Variants in CCDC196 observed in about 807,000 individuals in gnomAD.
CCDC196 encodes the protein coiled-coil domain-containing protein 196.
At chr14:66,488,079 A>G (rs1258181725) in intron 2 of CCDC196, 81 bp from the exon 3 acceptor site, 1 of 409,182 alleles carries the variant, frequency 2.4e-6, no homozygotes, top group Non-Finnish European at 4.5e-6. Flanking sequence ...TTCATGGTAG[A>G]GTACTTTCTG....
intron 5 of CCDC196, 23 bp downstream of exon 5, chr14:66,490,842 A>C: frequency 2.5e-6 from 1 of 401,336 alleles, no homozygotes; most frequent in Non-Finnish European, 4.4e-6. Flanking sequence ...CATGTACTTA[A>C]AATTTCAAGA....
At chr14:66,487,036 T>G (rs148162775) in intron 2 of CCDC196, among the ~76,000 whole-genome samples, 1 of 152,280 alleles carries the variant, frequency 6.6e-6, no homozygotes, top group East Asian at 1.9e-4. Flanking sequence ...GTGGGGCTAG[T>G]TATAACTCTT....
intron 2 of CCDC196, among the ~76,000 whole-genome samples, 166 bp downstream of exon 2, chr14:66,486,975 C>A (rs2057416632): frequency 6.6e-6 from 1 of 151,994 alleles, no homozygotes. Flanking sequence ...AGGGTGACAA[C>A]AAATCCTTTA....
At chr14:66,491,340 T>C (rs1342987587) in intron 6 of CCDC196, among the ~76,000 whole-genome samples, 2 of 152,190 alleles carry the variant, frequency 1.3e-5, no homozygotes, top group African/African-American at 4.8e-5. Flanking sequence ...AACAGCTAAA[T>C]GATGTCAGAA....
At chr14:66,495,021 G>A (rs552987826) in intron 8 of CCDC196, among the ~76,000 whole-genome samples, 3 of 144,528 alleles carry the variant, frequency 2.1e-5, no homozygotes, top group Admixed American at 7.0e-5. Flanking sequence ...GCGAGACTTC[G>A]TATCAAAAAA....
At chr14:66,494,867 AT>A (rs1337949709) in intron 8 of CCDC196, 1 of 152,052 alleles carries the variant, frequency 6.6e-6, no homozygotes, top group Non-Finnish European at 1.5e-5. Flanking sequence ...CTACAACAAA[AT>A]ACAGAAAATT....
chr14:66,497,487 A>G (rs970112488), intron 8 of CCDC196, among the ~76,000 whole-genome samples: 1 of 152,186 alleles, frequency 6.6e-6, no homozygotes, highest in Admixed American at 6.6e-5. Context: ...ATACCCTATT[A>G]AATTTGAATT....
At chr14:66,491,714 G>T in intron 7 of CCDC196, 29 bp downstream of exon 7, 1 of 413,598 alleles carries the variant, frequency 2.4e-6, no homozygotes, top group South Asian at 1.3e-4. Context: ...GCTGGATATA[G>T]GATGCAATTT....
intron 7 of CCDC196, 120 bp from the exon 8 acceptor site, chr14:66,491,933 C>G (rs2057547969): frequency 2.5e-6 from 1 of 406,406 alleles, no homozygotes; most frequent in African/African-American, 2.1e-5. Flanking sequence ...TTCTACCCAA[C>G]TTTTAAAGAC....
chr14:66,491,969 CT>C (rs1260351209), intron 7 of CCDC196, 83 bp from the exon 8 acceptor site: 16 of 409,576 alleles, frequency 3.9e-5, no homozygotes, highest in African/African-American at 3.1e-4. Flanking sequence ...TACTTTTTAA[CT>C]TCTGGGTAAA....
intron 6 of CCDC196, 108 bp downstream of exon 6, chr14:66,491,212 A>AT (rs2057527260): frequency 7.4e-6 from 3 of 402,884 alleles, no homozygotes; most frequent in Non-Finnish European, 1.3e-5. Context: ...ACCAATGCCA[A>AT]TTTTTATAGA....
At chr14:66,495,773 T>G (rs1298251568) in intron 8 of CCDC196, 1 of 154,692 alleles carries the variant, frequency 6.5e-6, no homozygotes, top group Non-Finnish European at 1.4e-5. Context: ...GGACAAAAGG[T>G]GCCACATTCA....
chr14:66,494,688 C>CTGA (rs2057621383), intron 8 of CCDC196: 2 of 152,116 alleles, frequency 1.3e-5, no homozygotes, highest in South Asian at 4.2e-4. Context: ...ATACATAAGC[C>CTGA]TGAGATCTAT....
At chr14:66,496,878 T>C (rs146466118) in intron 8 of CCDC196, 2,058 of 153,676 alleles carry the variant, frequency 0.013, 21 homozygotes, top group Middle Eastern at 0.023. Flanking sequence ...GTGAGTATTA[T>C]GCTACACTTA....
At chr14:66,495,424 T>C (rs1259819412) in intron 8 of CCDC196, among the ~76,000 whole-genome samples, 1 of 152,182 alleles carries the variant, frequency 6.6e-6, no homozygotes, top group African/African-American at 2.4e-5. Flanking sequence ...AAAGGTATTA[T>C]AGAACAAGAA....
Position 66,486,393 on chromosome 14 carries a change from T to C in CCDC196, c.-110T>C. The C allele has an allele frequency of 2.5e-6, 1 of 397,580 alleles. No individual in the cohort carries two copies. 24.6% of individuals were successfully genotyped at this position (397,580 alleles called of 1,614,324 possible). On this transcript the variant is annotated 5_prime_UTR_variant, in exon 1 of 10. Coordinates refer to ENST00000636229, the MANE Select transcript of CCDC196 (RefSeq NM_001351576.1). ...CTCGCTGTAGCTAAGATCAGTCCAC[T>C]GCAGCAGGAGTTTCAAGAACAGCAG...
At chr14:66,491,388 A>G (rs567271727) in intron 6 of CCDC196, among the ~76,000 whole-genome samples, 7 of 152,362 alleles carry the variant, frequency 4.6e-5, no homozygotes, top group South Asian at 4.1e-4. Flanking sequence ...ATTCAGTGGT[A>G]GTATGCTGGT....
At chr14:66,489,956 G>A (rs1353060992) in intron 4 of CCDC196, among the ~76,000 whole-genome samples, 1 of 152,160 alleles carries the variant, frequency 6.6e-6, no homozygotes, top group Admixed American at 6.5e-5. Flanking sequence ...AACTAGAAGA[G>A]TAGACTGTGT....
In CCDC196 at chr14:66,492,173, T is replaced by C; in HGVS notation, c.694T>C (p.Leu232=). Residue 232 remains leucine (L), a synonymous_variant, in exon 8 of 10, where the codon TTA becomes CTA. Coordinates refer to ENST00000636229, the MANE Select transcript of CCDC196 (RefSeq NM_001351576.1). The part of the protein sequence containing the change: ...QQNFEPMQAF[L]NLPGSQGTMG... ...GAATTTTGAGCCAATGCAAGCATTTTTAAATCTTCCTGGGTCCCAAGGTAG... is the reference window on the plus strand; with the variant it reads ...GAATTTTGAGCCAATGCAAGCATTTCTAAATCTTCCTGGGTCCCAAGGTAG... The C allele has an allele frequency of 2.4e-6, 1 of 413,938 alleles. No homozygotes were observed. The highest frequency in any genetic ancestry group is 4.4e-6 in the Non-Finnish European group (1 of 226,228). The allele number at this position is 413,938 out of a possible 1,614,324, so 25.6% of individuals were successfully genotyped here. A position where few individuals can be genotyped will look rare whatever the true frequency, so the allele number is the denominator to read the frequency against.
Sources: gnomAD v4.1 joint callset for allele counts (sites outside exome capture counted in the v4.1 genomes callset) on GRCh38, gnomAD v4.1.1 for gene constraint, MANE v1.5 for transcripts, NCBI Gene and HGNC (gene_info 2026-07-23, HGNC 2026-07-21) for gene names.